The following LARS1 variants were observed in gnomAD, a reference collection of about 807,000 sequenced individuals.
LARS1 encodes leucyl-tRNA synthetase 1, also known as leucine--tRNA ligase, cytoplasmic.
Under a neutral mutation model 162.8 loss-of-function variants are expected in LARS1, and 100 were observed. That is an observed-to-expected ratio of 0.61 (90% CI 0.52 to 0.73). LARS1 has a LOEUF of 0.73. Ranked by LOEUF, LARS1 falls within the 30% of genes least tolerant of loss-of-function variation. The pLI, the probability that LARS1 is intolerant of heterozygous loss-of-function variation, is 0.00. For missense variants in LARS1, 1,258 were observed against 1,408.9 expected (o/e 0.89, Z 1.71); for synonymous variants, 457 against 462.8 (o/e 0.99, Z 0.16).
chr5:146,156,419 T>C (rs1753529093), intron 10 of LARS1, among the ~76,000 whole-genome samples: 1 of 152,132 alleles, frequency 6.6e-6, no homozygotes, highest in Non-Finnish European at 1.5e-5. Context: ...TAAGGCTGGG[T>C]ACAGTGGCTT....
At chr5:146,135,753 C>A in intron 21 of LARS1, 89 bp from the exon 22 acceptor site, 7 of 872,404 alleles carry the variant, frequency 8.0e-6, no homozygotes, top group South Asian at 1.8e-5. Flanking sequence ...TTGGCCATGA[C>A]CAGATAAAAA....
At chr5:146,144,565 T>G in intron 16 of LARS1, 28 bp from the exon 17 acceptor site, 1 of 1,613,584 alleles carries the variant, frequency 6.2e-7, no homozygotes, top group Non-Finnish European at 8.5e-7. Context: ...GATATGTTTT[T>G]TTTTAAGTCA....
chr5:146,168,312 C>T, intron 4 of LARS1, 47 bp from the exon 5 acceptor site: 1 of 1,555,286 alleles, frequency 6.4e-7, no homozygotes, highest in Middle Eastern at 1.7e-4. Flanking sequence ...AAGGTAGACA[C>T]AATTTCAGTT....
intron 22 of LARS1, among the ~76,000 whole-genome samples, chr5:146,133,590 C>T (rs1385764746): frequency 6.7e-6 from 1 of 149,092 alleles, no homozygotes; most frequent in African/African-American, 2.5e-5. Flanking sequence ...TCTCATCTCT[C>T]AGTACTACCA....
At chr5:146,182,458 C>T in intron 1 of LARS1, 30 bp downstream of exon 1, 1 of 1,613,806 alleles carries the variant, frequency 6.2e-7, no homozygotes. Flanking sequence ...GGCTCCAGGG[C>T]CCCTGCGGAT....
rs1000098401 is a variant in LARS1, at chr5:146,153,725, G to T, written c.1230+9C>A. The T allele has an allele frequency of 6.2e-7, 1 of 1,609,956 alleles. No homozygotes were observed. Among genetic ancestry groups the T allele is most frequent in the African/African-American group, 1.3e-5 (1 of 74,974 alleles). On this transcript the variant is annotated intron_variant, in intron 12 of 31. Coordinates refer to ENST00000394434, the MANE Select transcript of LARS1 (RefSeq NM_020117.11). Reference sequence around the variant, plus strand: ...GGACGAAATACAAACATGAAACTCAGATACTTACTTGCTTTTTCTTCAAGT... The same window carrying T: ...GGACGAAATACAAACATGAAACTCATATACTTACTTGCTTTTTCTTCAAGT...
intron 30 of LARS1, among the ~76,000 whole-genome samples, chr5:146,122,237 A>G (rs1751856563): frequency 1.3e-5 from 2 of 152,122 alleles, no homozygotes; most frequent in South Asian, 4.1e-4. Context: ...TTCTATTTTT[A>G]AAACCCACAA....
intron 14 of LARS1, among the ~76,000 whole-genome samples, chr5:146,151,283 A>G (rs996426196): frequency 4.6e-5 from 7 of 152,212 alleles, no homozygotes; most frequent in Non-Finnish European, 1.0e-4. Flanking sequence ...ACTAAAAAAC[A>G]TTCTTGTTGA....
At chr5:146,155,660 T>C (rs1753492921) in intron 10 of LARS1, among the ~76,000 whole-genome samples, 1 of 152,216 alleles carries the variant, frequency 6.6e-6, no homozygotes, top group Admixed American at 6.5e-5. Context: ...CCTGCCTTTA[T>C]AGAATTTGCA....
At chr5:146,176,984 TTAAAA>T (rs1272707634) in intron 2 of LARS1, among the ~76,000 whole-genome samples, 7 of 152,096 alleles carry the variant, frequency 4.6e-5, no homozygotes, top group African/African-American at 1.7e-4. Flanking sequence ...ACTGTAGTCT[TTAAAA>T]CAAAACAAAA....
At chr5:146,177,274 G>A (rs530296018) in intron 2 of LARS1, among the ~76,000 whole-genome samples, 1 of 151,638 alleles carries the variant, frequency 6.6e-6, no homozygotes, top group South Asian at 2.1e-4. Flanking sequence ...AGACCACCCT[G>A]GCTAACACAG....
At chr5:146,129,785 T>C (rs1304527762) in intron 25 of LARS1, among the ~76,000 whole-genome samples, 4 of 152,242 alleles carry the variant, frequency 2.6e-5, no homozygotes, top group African/African-American at 9.6e-5. Flanking sequence ...TCTCAATATT[T>C]TCACCTTTTA....
chr5:146,120,723 G>C (rs1751784766), intron 30 of LARS1, among the ~76,000 whole-genome samples: 1 of 152,156 alleles, frequency 6.6e-6, no homozygotes, highest in Non-Finnish European at 1.5e-5. Context: ...CAACACCAAT[G>C]ATGGACACTA....
chr5:146,160,616 A>G lies in LARS1; in HGVS notation c.595-130T>C, dbSNP rs1753738613. On this transcript the variant is annotated intron_variant, in intron 6 of 31. Coordinates refer to ENST00000394434, the MANE Select transcript of LARS1 (RefSeq NM_020117.11). ...ATCAACTATTAAAAATAATTTTCCA[A>G]GTTCCACTATTAAAAGTATATCACA... 6 of 480,734 alleles carry G rather than the reference A, an allele frequency of 1.2e-5. No homozygotes were observed. In the East Asian group the frequency reaches 2.3e-4, roughly 18 times the overall value. The allele number at this position is 480,734 out of a possible 1,614,324, so 29.8% of individuals were successfully genotyped here. A position where few individuals can be genotyped will look rare whatever the true frequency, so the allele number is the denominator to read the frequency against.
chr5:146,131,239 C>T (rs563979592), intron 23 of LARS1, 130 bp from the exon 24 acceptor site: 1 of 530,710 alleles, frequency 1.9e-6, no homozygotes, highest in Admixed American at 3.7e-5. Context: ...CTCATTTAAG[C>T]AGTAAAATGA....
intron 21 of LARS1, chr5:146,139,470 A>G (rs1192725896): frequency 6.6e-6 from 1 of 152,274 alleles, no homozygotes; most frequent in Non-Finnish European, 1.5e-5. Context: ...TTCAGTTGCA[A>G]TTTGTGTCAC....
Position 146,182,470 on chromosome 5 carries a change from C to A in LARS1, c.6+18G>T, listed in dbSNP as rs767503032. 2 of 1,613,836 alleles carry A rather than the reference C, an allele frequency of 1.2e-6. No individual in the cohort carries two copies. Among genetic ancestry groups the A allele is most frequent in the Non-Finnish European group, 1.7e-6 (2 of 1,179,868 alleles). On this transcript the variant is annotated intron_variant, in intron 1 of 31. Coordinates refer to ENST00000394434, the MANE Select transcript of LARS1 (RefSeq NM_020117.11). ...TCCGGCTCCAGGGCCCCTGCGGATTCTTCTCGCTCAAACTCACCGCCATTG... is the reference window on the plus strand; with the variant it reads ...TCCGGCTCCAGGGCCCCTGCGGATTATTCTCGCTCAAACTCACCGCCATTG...
intron 8 of LARS1, 85 bp downstream of exon 8, chr5:146,159,322 A>T: frequency 9.5e-7 from 1 of 1,047,512 alleles, no homozygotes; most frequent in Non-Finnish European, 1.5e-6. Context: ...CACTACAAAG[A>T]AGTTATTTTT....
intron 21 of LARS1, among the ~76,000 whole-genome samples, 186 bp downstream of exon 21, chr5:146,140,018 G>A (rs748477373): frequency 6.6e-6 from 1 of 151,642 alleles, no homozygotes; most frequent in African/African-American, 2.4e-5. Context: ...TATCGTCCAG[G>A]CTGGTCTTGA....
Sources: gnomAD v4.1 joint callset for allele counts (sites outside exome capture counted in the v4.1 genomes callset) on GRCh38, gnomAD v4.1.1 for gene constraint, MANE v1.5 for transcripts, NCBI Gene and HGNC (gene_info 2026-07-23, HGNC 2026-07-21) for gene names.